CIRSR: variants seen among roughly 807,000 people sequenced by gnomAD.
CIRSR encodes corepressor of RBPJ and splicing regulator.
chr2:174,391,125 C>T, the CIRSR span, among the ~76,000 whole-genome samples: 1 of 152,082 alleles, frequency 6.6e-6, no homozygotes, highest in Admixed American at 6.5e-5. Context: ...TATAAATGGG[C>T]ACTTAAGAAA....
the CIRSR span, among the ~76,000 whole-genome samples, chr2:174,383,454 T>G: frequency 1.2e-4 from 19 of 152,074 alleles, no homozygotes; most frequent in Admixed American, 2.0e-4. Flanking sequence ...GCACGGGGGC[T>G]CACATCTGTA....
At chr2:174,374,436 G>A in the CIRSR span, among the ~76,000 whole-genome samples, 5 of 152,172 alleles carry the variant, frequency 3.3e-5, no homozygotes, top group South Asian at 4.1e-4. Flanking sequence ...TAAATCAGGG[G>A]TTGTGCCTGT....
chr2:174,350,516 G>C, the CIRSR span: 1 of 462,942 alleles, frequency 2.2e-6, no homozygotes, highest in African/African-American at 2.0e-5. Flanking sequence ...AGACAAAATT[G>C]TATTAGCTAT....
At chr2:174,393,389 A>C in the CIRSR span, among the ~76,000 whole-genome samples, 1 of 152,234 alleles carries the variant, frequency 6.6e-6, no homozygotes. Flanking sequence ...TTTGGTGAAC[A>C]AATGAGACCT....
At chr2:174,391,944 C>T in the CIRSR span, among the ~76,000 whole-genome samples, 721 of 152,236 alleles carry the variant, frequency 4.7e-3, 7 homozygotes, top group African/African-American at 0.016. Context: ...TAGTGCTTGC[C>T]TAGGGCTGGA....
the CIRSR span, among the ~76,000 whole-genome samples, chr2:174,357,317 A>G: frequency 6.6e-6 from 1 of 152,160 alleles, no homozygotes; most frequent in Non-Finnish European, 1.5e-5. Context: ...TTTATACCAC[A>G]TACTTTGGGG....
the CIRSR span, among the ~76,000 whole-genome samples, chr2:174,366,510 T>G: frequency 6.6e-6 from 1 of 152,154 alleles, no homozygotes. Flanking sequence ...ATGGAGGAAT[T>G]TTTTGCCAGT....
At chr2:174,359,349 A>T in the CIRSR span, among the ~76,000 whole-genome samples, 1 of 152,072 alleles carries the variant, frequency 6.6e-6, no homozygotes, top group African/African-American at 2.4e-5. Flanking sequence ...AAAAAAAAAA[A>T]AAAGAGATTT....
the CIRSR span, among the ~76,000 whole-genome samples, chr2:174,372,526 G>C: frequency 6.6e-6 from 1 of 152,028 alleles, no homozygotes; most frequent in African/African-American, 2.4e-5. Context: ...TCATTTAATG[G>C]GATAATATTC....
the CIRSR span, chr2:174,350,730 C>T: frequency 2.5e-6 from 4 of 1,608,746 alleles, no homozygotes; most frequent in African/African-American, 2.7e-5. Context: ...TCTTCACCCT[C>T]ACTTGCAACA....
the CIRSR span, among the ~76,000 whole-genome samples, chr2:174,385,233 A>AAC: frequency 3.5e-5 from 5 of 143,950 alleles, no homozygotes; most frequent in East Asian, 2.1e-4. Context: ...AAAAAAAAAA[A>AAC]AAAATTTTTT....
chr2:174,356,216 G>C, the CIRSR span, among the ~76,000 whole-genome samples: 1 of 151,922 alleles, frequency 6.6e-6, no homozygotes, highest in Admixed American at 6.6e-5. Flanking sequence ...CTGTAGTCCC[G>C]GCACTTTGGG....
At chr2:174,359,370 A>G in the CIRSR span, among the ~76,000 whole-genome samples, 1 of 152,236 alleles carries the variant, frequency 6.6e-6, no homozygotes, top group Non-Finnish European at 1.5e-5. Context: ...TAAATCCATA[A>G]ACAGTGATTA....
the CIRSR span, among the ~76,000 whole-genome samples, chr2:174,394,142 T>C: frequency 1.3e-5 from 2 of 152,240 alleles, no homozygotes; most frequent in Non-Finnish European, 2.9e-5. Context: ...TTATTCTCTG[T>C]GGATTTCTTT....
the CIRSR span, among the ~76,000 whole-genome samples, chr2:174,378,297 T>A: frequency 2.0e-5 from 3 of 152,196 alleles, no homozygotes; most frequent in Non-Finnish European, 4.4e-5. Context: ...TTAAACAGAT[T>A]ATTTCTATTA....
At chr2:174,395,156 TTTAAAGATCTATC>T in the CIRSR span, among the ~76,000 whole-genome samples, 2 of 152,224 alleles carry the variant, frequency 1.3e-5, no homozygotes, top group Non-Finnish European at 2.9e-5. Context: ...AGGTAATTTT[TTTAAAGATCTATC>T]TTAAGTAAAC....
chr2:174,368,458 C>T, the CIRSR span, among the ~76,000 whole-genome samples: 1 of 152,148 alleles, frequency 6.6e-6, no homozygotes, highest in Non-Finnish European at 1.5e-5. Flanking sequence ...TCTAAAAACA[C>T]ACTTATAAAT....
the CIRSR span, chr2:174,349,285 G>T: frequency 1.3e-5 from 9 of 696,102 alleles, no homozygotes; most frequent in Admixed American, 2.5e-4. Context: ...TAGTATCCAT[G>T]GCAGAGCGCG....
chr2:174,386,343 G>T, the CIRSR span, among the ~76,000 whole-genome samples: 1 of 152,050 alleles, frequency 6.6e-6, no homozygotes. Context: ...TACCAGGTTT[G>T]GCTAACTTTG....
Sources: allele counts gnomAD v4.1 joint callset (sites outside exome capture counted in the v4.1 genomes callset), GRCh38; gene constraint gnomAD v4.1.1; transcripts MANE v1.5; gene names NCBI Gene and HGNC (gene_info 2026-07-23, HGNC 2026-07-21).